The following CTIF variants were observed in gnomAD, a reference collection of about 807,000 sequenced individuals.
CTIF encodes the protein CBP80/20-dependent translation initiation factor.
CTIF carries 21 observed loss-of-function variants against 66.0 expected under a neutral mutation model. The observed-to-expected ratio is 0.32, with a 90% CI of 0.23 to 0.46. CTIF has a LOEUF of 0.46. CTIF is among the 20% of genes least tolerant of loss of function. The pLI is 1.00. For missense variants in CTIF, 739 were observed against 812.7 expected (o/e 0.91, Z 1.10); for synonymous variants, 345 against 326.4 (o/e 1.06, Z -0.62).
intron 9 of CTIF, among the ~76,000 whole-genome samples, chr18:48,782,433 C>T (rs959123339): frequency 1.3e-5 from 2 of 152,280 alleles, no homozygotes; most frequent in Admixed American, 6.5e-5. Context: ...TCCCCCCACC[C>T]GCTCCCCATC....
chr18:48,643,393 T>C (rs918231316), intron 3 of CTIF, among the ~76,000 whole-genome samples: 1 of 152,170 alleles, frequency 6.6e-6, no homozygotes, highest in African/African-American at 2.4e-5. Context: ...CTAATGCTAA[T>C]AGACAAAATG....
chr18:48,606,727 CT>C (rs777799514), intron 1 of CTIF, among the ~76,000 whole-genome samples: 25 of 152,276 alleles, frequency 1.6e-4, no homozygotes, highest in Non-Finnish European at 3.7e-4. Context: ...CCCTCACTCT[CT>C]TTGGTCAGAG....
chr18:48,719,127 A>G (rs1156457212), intron 7 of CTIF, among the ~76,000 whole-genome samples: 3 of 152,012 alleles, frequency 2.0e-5, no homozygotes, highest in Admixed American at 1.3e-4. Flanking sequence ...TGCTTCTAGA[A>G]TTGTCTTTAA....
chr18:48,812,979 C>G (rs2068290440), intron 9 of CTIF, among the ~76,000 whole-genome samples: 2 of 151,572 alleles, frequency 1.3e-5, no homozygotes, highest in South Asian at 4.2e-4. Flanking sequence ...TAGATGTCCA[C>G]TCTCTATCTT....
intron 1 of CTIF, among the ~76,000 whole-genome samples, chr18:48,568,695 A>G (rs2089341116): frequency 1.4e-5 from 2 of 141,892 alleles, no homozygotes; most frequent in East Asian, 4.4e-4. Flanking sequence ...ACAGTTCCAC[A>G]TGTCTGGGGA....
At chr18:48,616,362 A>C (rs1447905313) in intron 1 of CTIF, among the ~76,000 whole-genome samples, 1 of 152,218 alleles carries the variant, frequency 6.6e-6, no homozygotes, top group African/African-American at 2.4e-5. Flanking sequence ...AGCTCTCCGG[A>C]ACCTGTGCCC....
chr18:48,767,219 G>C (rs779138237), intron 9 of CTIF, among the ~76,000 whole-genome samples: 4 of 152,206 alleles, frequency 2.6e-5, no homozygotes, highest in Non-Finnish European at 5.9e-5. Context: ...AAGTTTCCTT[G>C]GATCCTCATC....
chr18:48,827,106 C>G (rs1020435831), intron 10 of CTIF, among the ~76,000 whole-genome samples: 5 of 152,148 alleles, frequency 3.3e-5, no homozygotes, highest in Non-Finnish European at 5.9e-5. Context: ...GAGCCGTGGC[C>G]AGCTCCGGCT....
At chr18:48,596,014 C>G (rs1420819885) in intron 1 of CTIF, among the ~76,000 whole-genome samples, 1 of 152,134 alleles carries the variant, frequency 6.6e-6, no homozygotes, top group Non-Finnish European at 1.5e-5. Flanking sequence ...GTAACTGAAT[C>G]ACAGAAGTGA....
chr18:48,589,007 A>AC (rs2143936630), intron 1 of CTIF, among the ~76,000 whole-genome samples: 1 of 152,100 alleles, frequency 6.6e-6, no homozygotes, highest in South Asian at 2.1e-4. Flanking sequence ...TAGATCCAAG[A>AC]CCCTTGGGCT....
intron 5 of CTIF, among the ~76,000 whole-genome samples, chr18:48,669,319 A>T (rs2091485467): frequency 6.6e-6 from 1 of 152,166 alleles, no homozygotes; most frequent in African/African-American, 2.4e-5. Context: ...AACTCATGGG[A>T]CATCTCTCAC....
chr18:48,641,355 C>G lies in CTIF; in HGVS notation c.252+4670C>G, dbSNP rs148440930. Among the ~76,000 whole-genome samples the G allele has an allele frequency of 4.4e-3, 665 of 152,318 alleles. 8 individuals are homozygous for G. Among genetic ancestry groups the G allele is most frequent in the African/African-American group, 0.015 (638 of 41,552 alleles). ...CTCTGATTAGACTTGGGAAGGACTT[C>G]CCTTGACGGAAGGACTTGTTGGCCC... On this transcript the variant is annotated intron_variant, in intron 3 of 11. Coordinates refer to ENST00000256413, the MANE Select transcript of CTIF (RefSeq NM_014772.3).
intron 9 of CTIF, among the ~76,000 whole-genome samples, chr18:48,781,706 C>T (rs978564279): frequency 6.6e-6 from 1 of 152,058 alleles, no homozygotes; most frequent in South Asian, 2.1e-4. Context: ...TCCTCTCCCC[C>T]TTGTCAAACA....
At chr18:48,640,534 A>G (rs955443025) in intron 3 of CTIF, among the ~76,000 whole-genome samples, 27 of 151,954 alleles carry the variant, frequency 1.8e-4, no homozygotes, top group African/African-American at 5.1e-4. Flanking sequence ...CTGCTAACCC[A>G]TTTTCACCCG....
intron 1 of CTIF, among the ~76,000 whole-genome samples, chr18:48,603,491 G>GA (rs1555652771): frequency 1.3e-5 from 1 of 79,254 alleles, no homozygotes; most frequent in Non-Finnish European, 2.6e-5. Flanking sequence ...GGGTGGGTGG[G>GA]TGGGTGGGTG....
intron 1 of CTIF, among the ~76,000 whole-genome samples, chr18:48,582,255 G>T (rs984590225): frequency 6.6e-6 from 1 of 152,072 alleles, no homozygotes; most frequent in Non-Finnish European, 1.5e-5. Flanking sequence ...GCGGCAGGGG[G>T]CAGGAGGCAT....
chr18:48,547,814 C>T (rs987812149), intron 1 of CTIF, among the ~76,000 whole-genome samples: 6 of 152,296 alleles, frequency 3.9e-5, no homozygotes, highest in Non-Finnish European at 4.4e-5. Flanking sequence ...GTAGCTGAGC[C>T]GGCTGCATAG....
At chr18:48,565,401 TGAG>T (rs1048532851) in intron 1 of CTIF, 8 of 152,216 alleles carry the variant, frequency 5.3e-5, no homozygotes, top group Admixed American at 1.3e-4. Context: ...TTGTCTTTCA[TGAG>T]TTTTCCAAGT....
At chr18:48,670,603 G>C in intron 5 of CTIF, 66 bp from the exon 6 acceptor site, 1 of 1,438,686 alleles carries the variant, frequency 7.0e-7, no homozygotes, top group Non-Finnish European at 9.8e-7. Flanking sequence ...CTCTCCTGCT[G>C]GCCGGATGGG....
Sources: gnomAD v4.1 joint callset for allele counts (sites outside exome capture counted in the v4.1 genomes callset) on GRCh38, gnomAD v4.1.1 for gene constraint, MANE v1.5 for transcripts, NCBI Gene and HGNC (gene_info 2026-07-23, HGNC 2026-07-21) for gene names.